Variants in CTSB observed in about 807,000 individuals in gnomAD.
CTSB encodes APP secretase.
In CTSB, 57 loss-of-function variants were observed where a neutral mutation model predicts 44.3. The ratio of observed to expected loss-of-function variants is 1.29; its 90% CI spans 1.04 to 1.60. The LOEUF is 1.60. CTSB is among the 40% of genes most tolerant of loss of function. CTSB has a pLI of 0.00. For synonymous variants in CTSB, 320 were observed against 168.0 expected, an observed-to-expected ratio of 1.91 and a Z score of -7.00; for missense variants, 768 against 443.0, an observed-to-expected ratio of 1.73 and a Z score of -6.59.
chr8:11,857,248 C>CT (rs1356069022), intron 1 of CTSB, among the ~76,000 whole-genome samples: 1 of 152,178 alleles, frequency 6.6e-6, no homozygotes, highest in African/African-American at 2.4e-5. Flanking sequence ...GAACTCCTGG[C>CT]TTCAAGGGAT....
intron 1 of CTSB, chr8:11,864,317 C>A (rs1294127656): frequency 5.2e-3 from 66 of 12,740 alleles, no homozygotes; most frequent in African/African-American, 0.015. Context: ...TCTCTACCAA[C>A]GAAAAAAAAA....
At chr8:11,847,204 A>G (rs758454130) in intron 7 of CTSB, 36 bp from the exon 8 acceptor site, 13 of 1,387,172 alleles carry the variant, frequency 9.4e-6, no homozygotes, top group Non-Finnish European at 1.3e-5. Flanking sequence ...TGGGGAGGGC[A>G]GTGACCGTGC....
chr8:11,850,780 T>C, intron 4 of CTSB, 86 bp downstream of exon 4: 4 of 884,838 alleles, frequency 4.5e-6, no homozygotes, highest in African/African-American at 1.7e-5. Flanking sequence ...CTTGTCAGAG[T>C]TGTCCCCACC....
Position 11,853,382 on chromosome 8 carries a change from G to A in CTSB, c.73C>T (p.Pro25Ser), listed in dbSNP as rs542527240. The change falls in exon 2 of 10, where the codon CCC becomes TCC. Residue 25 changes from proline to serine, a missense_variant. Transcript: ENST00000353047. ...TAGTTGACCAGCTCATCCGACAGGG[G>A]ATGGAAAGAGGGCCTGCTCCGGGCA... Reference protein sequence around the residue: ...ANARSRPSFHPLSDELVNYVN... With the variant: ...ANARSRPSFHSLSDELVNYVN... The A allele has an allele frequency of 2.4e-5, 39 of 1,613,030 alleles. No individual in the cohort carries two copies. Among genetic ancestry groups the A allele is most frequent in the African/African-American group, 2.4e-4 (18 of 74,646 alleles).
At chr8:11,861,771 T>A (rs1816451980) in intron 1 of CTSB, among the ~76,000 whole-genome samples, 1 of 152,204 alleles carries the variant, frequency 6.6e-6, no homozygotes. Flanking sequence ...CTTTTAGAGA[T>A]CCTTTGAGAT....
chr8:11,845,145 G>C lies in CTSB; in HGVS notation c.1000C>G (p.Gln334Glu), dbSNP rs772641187. 13 of 1,613,370 alleles carry C rather than the reference G, an allele frequency of 8.1e-6. No individual in the cohort carries two copies. Among genetic ancestry groups the C allele is most frequent in the Admixed American group, 6.7e-5 (4 of 59,990 alleles). ...EVVAGIPRTD[Q>E]YWEKI ...GCAGATTAGATCTTTTCCCAGTACT[G>C]ATCGGTGCGTGGAATTCCAGCCACC... The change falls in exon 10 of 10, where the codon CAG becomes GAG. Residue 334 changes from glutamine (Q) to glutamate (E), a missense_variant. Transcript: ENST00000353047.
chr8:11,852,036 A>ACCTT (rs1814680905), intron 3 of CTSB, among the ~76,000 whole-genome samples: 1 of 152,072 alleles, frequency 6.6e-6, no homozygotes, highest in Non-Finnish European at 1.5e-5. Flanking sequence ...GGGGACCCAG[A>ACCTT]CCTTGTCTGT....
At position 11,850,426 on chromosome 8, in the gene CTSB, AAAAAAAAAAAAAAAAG is replaced by A. The variant is rs1375890796; in HGVS notation, c.327+424_327+439del. On this transcript the variant is annotated intron_variant, in intron 4 of 9. Coordinates refer to ENST00000353047, the MANE Select transcript of CTSB (RefSeq NM_001908.5). ...AGAGCAAGACTCCATCTCCAAAAAA[AAAAAAAAAAAAAAAAG>A]AAAGAAAAAGAAAACAAAAGAAGAT... is the stretch of plus-strand genomic sequence containing the variant. Among the ~76,000 whole-genome samples the A allele has an allele frequency of 8.4e-5, 12 of 143,316 alleles. No homozygotes were observed. The South Asian group carries it at 1.8e-3, about 22-fold the overall frequency. 94.0% of individuals were successfully genotyped at this position (143,316 alleles called of 152,430 possible).
At position 11,845,929 on chromosome 8, in the gene CTSB, G is replaced by T. The variant is rs1394904391; in HGVS notation, c.794-140C>A. 9.4e-6 allele frequency: 9 copies of T among 953,512 alleles called. No homozygotes were observed. In the African/African-American group the frequency reaches 1.4e-4, roughly 14 times the overall value. 59.1% of individuals were successfully genotyped at this position (953,512 alleles called of 1,614,324 possible). A position where few individuals can be genotyped will look rare whatever the true frequency, so the allele number is the denominator to read the frequency against. The stretch of plus-strand genomic sequence containing the variant: ...CCTGCTGCTCCACCAGGAGGCTCCA[G>T]GGGGGGTCCCACAATACTGGGGAAT... On this transcript the variant is annotated intron_variant, in intron 8 of 9. Transcript: ENST00000353047.
chr8:11,866,665 G>C (rs890406383), intron 1 of CTSB, among the ~76,000 whole-genome samples: 1 of 152,190 alleles, frequency 6.6e-6, no homozygotes, highest in African/African-American at 2.4e-5. Flanking sequence ...GTCAAGATCT[G>C]CCTGGTCAAC....
At chr8:11,851,459 G>C (rs1814591174) in intron 3 of CTSB, among the ~76,000 whole-genome samples, 1 of 152,102 alleles carries the variant, frequency 6.6e-6, no homozygotes, top group African/African-American at 2.4e-5. Flanking sequence ...CAAAGTGCTG[G>C]GATTACAGGC....
In CTSB at chr8:11,848,210, C is replaced by G. The variant is rs777900829; in HGVS notation, c.447-58G>C. 5 of 1,490,930 alleles carry G rather than the reference C, an allele frequency of 3.4e-6. No homozygotes were observed. In the African/African-American group the frequency reaches 6.9e-5, roughly 21 times the overall value. The allele number at this position is 1,490,930 out of a possible 1,614,324, so 92.4% of individuals were successfully genotyped here. On this transcript the variant is annotated intron_variant, in intron 5 of 9. Coordinates refer to ENST00000353047, the MANE Select transcript of CTSB (RefSeq NM_001908.5). ...GAGAAGCACCACCAGCTCTCCAGAC[C>G]ACTGTGTGCTACCCAAGTGCCCGAG...
At chr8:11,852,227 C>T (rs572504131) in intron 3 of CTSB, among the ~76,000 whole-genome samples, 10 of 152,178 alleles carry the variant, frequency 6.6e-5, no homozygotes, top group Non-Finnish European at 1.2e-4. Context: ...AAATATTAGC[C>T]GTGCACGGTG....
At chr8:11,846,732 G>A (rs909226363) in intron 8 of CTSB, among the ~76,000 whole-genome samples, 19 of 152,244 alleles carry the variant, frequency 1.2e-4, no homozygotes, top group African/African-American at 4.1e-4. Flanking sequence ...GAGGGCAGGC[G>A]TGGCCAGCCA....
At chr8:11,855,648 C>A (rs183940265) in intron 1 of CTSB, among the ~76,000 whole-genome samples, 2 of 152,190 alleles carry the variant, frequency 1.3e-5, no homozygotes, top group African/African-American at 4.8e-5. Flanking sequence ...CTTTAGGCTT[C>A]GTTTCCACAA....
Position 11,844,987 on chromosome 8 carries a change from TG to T in CTSB, c.*137del. ...GGATGTAGCCAGGACTTGGTCTCCT[TG>T]GAAGACAGGTCTGATGTTTGGCCAA... On this transcript the variant is annotated 3_prime_UTR_variant, in exon 10 of 10. Coordinates refer to ENST00000353047, the MANE Select transcript of CTSB (RefSeq NM_001908.5). 1.5e-6 allele frequency: 1 copy of T among 650,486 alleles called. No individual in the cohort carries two copies. The highest frequency in any genetic ancestry group is 1.8e-5 in the South Asian group (1 of 55,810). The allele number at this position is 650,486 out of a possible 1,614,324, so 40.3% of individuals were successfully genotyped here.
rs767807896 is a variant in CTSB, at chr8:11,845,806, T to G, written c.794-17A>C. ...GGTACACTCCTGAAAAGGGAAGAAC[T>G]GGCTGAGACCGAGACCGGGCCACTG... On this transcript the variant is annotated splice_polypyrimidine_tract_variant and intron_variant, in intron 8 of 9. Coordinates refer to ENST00000353047, the MANE Select transcript of CTSB (RefSeq NM_001908.5). 8.1e-6 allele frequency: 13 copies of G among 1,603,122 alleles called. No homozygotes were observed. Among genetic ancestry groups the G allele is most frequent in the Admixed American group, 5.0e-5 (3 of 59,576 alleles).
chr8:11,867,112 A>AG (rs1348178206), intron 1 of CTSB: 1 of 151,810 alleles, frequency 6.6e-6, no homozygotes, highest in East Asian at 1.9e-4. Flanking sequence ...GCGCCTGGGA[A>AG]GGGGGTGACA....
intron 1 of CTSB, among the ~76,000 whole-genome samples, chr8:11,855,127 A>G (rs1019064244): frequency 1.2e-4 from 18 of 152,106 alleles, no homozygotes; most frequent in African/African-American, 4.3e-4. Flanking sequence ...GGTTCAAGCT[A>G]TTCTCCTACC....
Sources: allele counts gnomAD v4.1 joint callset (sites outside exome capture counted in the v4.1 genomes callset), GRCh38; gene constraint gnomAD v4.1.1; transcripts MANE v1.5; gene names NCBI Gene and HGNC (gene_info 2026-07-23, HGNC 2026-07-21).